SEC24A: variants seen among roughly 807,000 people sequenced by gnomAD.
SEC24A encodes SEC24 homolog A, COPII component.
SEC24A carries 93 observed loss-of-function variants against 129.4 expected under a neutral mutation model. The observed-to-expected ratio is 0.72, with a 90% CI of 0.61 to 0.85. The LOEUF is 0.85. SEC24A is among the 40% of genes least tolerant of loss of function. SEC24A has a pLI of 0.00. For missense variants in SEC24A, 1,264 were observed against 1,307.4 expected (o/e 0.97, Z 0.51); for synonymous variants, 460 against 467.3 (o/e 0.98, Z 0.20).
At chr5:134,707,306 G>A (rs1238509849) in intron 17 of SEC24A, among the ~76,000 whole-genome samples, 1 of 151,882 alleles carries the variant, frequency 6.6e-6, no homozygotes, top group Non-Finnish European at 1.5e-5. Flanking sequence ...TATGAAATTT[G>A]AAGATCACTG....
chr5:134,707,030 G>A (rs1012462559), intron 17 of SEC24A, among the ~76,000 whole-genome samples: 5 of 152,044 alleles, frequency 3.3e-5, no homozygotes, highest in African/African-American at 7.2e-5. Context: ...TAGAGACAGA[G>A]TCTCACCATG....
chr5:134,720,410 C>G (rs181282217), intron 20 of SEC24A, among the ~76,000 whole-genome samples: 1 of 152,282 alleles, frequency 6.6e-6, no homozygotes, highest in East Asian at 1.9e-4. Flanking sequence ...ACAGAGAAAT[C>G]ACTTAACAAC....
chr5:134,673,339 C>A (rs1170904131), intron 4 of SEC24A, among the ~76,000 whole-genome samples: 1 of 151,406 alleles, frequency 6.6e-6, no homozygotes, highest in African/African-American at 2.4e-5. Flanking sequence ...CAGGTATGAG[C>A]CACCTCGCCC....
At chr5:134,703,329 G>A (rs990822074) in intron 15 of SEC24A, among the ~76,000 whole-genome samples, 6 of 151,938 alleles carry the variant, frequency 3.9e-5, no homozygotes, top group African/African-American at 1.4e-4. Flanking sequence ...GTGCAGTGGC[G>A]CAATCTTAGC....
intron 2 of SEC24A, among the ~76,000 whole-genome samples, chr5:134,664,886 C>T (rs948504776): frequency 1.3e-5 from 2 of 149,886 alleles, no homozygotes; most frequent in Non-Finnish European, 1.5e-5. Context: ...GCAACCTCCG[C>T]CTCCCAGGTT....
At chr5:134,662,618 T>C (rs1293939709) in intron 2 of SEC24A, among the ~76,000 whole-genome samples, 1 of 152,198 alleles carries the variant, frequency 6.6e-6, no homozygotes, top group Admixed American at 6.6e-5. Flanking sequence ...GGCTTGTAAA[T>C]TGTTAATGGC....
chr5:134,681,281 T>TCCCA (rs1457333862), intron 8 of SEC24A, among the ~76,000 whole-genome samples: 2 of 151,392 alleles, frequency 1.3e-5, no homozygotes, highest in African/African-American at 4.9e-5. Flanking sequence ...GCACCTGTAA[T>TCCCA]CCCAGCTACT....
chr5:134,702,869 A>G (rs1392037569), intron 15 of SEC24A, among the ~76,000 whole-genome samples: 1 of 151,764 alleles, frequency 6.6e-6, no homozygotes, highest in East Asian at 1.9e-4. Flanking sequence ...GGTTCAAGCG[A>G]TTCTCCTGCC....
chr5:134,662,996 TA>T (rs970152224), intron 2 of SEC24A, among the ~76,000 whole-genome samples: 14 of 150,268 alleles, frequency 9.3e-5, no homozygotes, highest in Middle Eastern at 3.4e-3. Context: ...AGACTTGGTC[TA>T]AAAAAAAAAT....
rs755940746 is a variant in SEC24A at position 134,661,577 on chromosome 5, A to C, written c.556A>C (p.Ile186Leu). The change falls in exon 2 of 23, where the codon ATA becomes CTA. Residue 186 changes from isoleucine to leucine, a missense_variant. Physicochemically the swap from Ile to Leu is conservative, Grantham distance 5 (BLOSUM62 2). Transcript: ENST00000398844. ...ATATCCTTCACTTCAAAATAGCTTCATAAAGTCAGGTAGTATTCTTATAGA... is the reference window on the plus strand; with the variant it reads ...ATATCCTTCACTTCAAAATAGCTTCCTAAAGTCAGGTAGTATTCTTATAGA... ...SGYPSLQNSF[I>L]KSGPSVPPLV... 5 of 1,609,336 alleles carry C rather than the reference A, an allele frequency of 3.1e-6. No homozygotes were observed. Among genetic ancestry groups the C allele is most frequent in the Non-Finnish European group, 4.3e-6 (5 of 1,175,848 alleles).
Position 134,682,370 on chromosome 5 carries a change from T to C in SEC24A, c.1382-3T>C. ...CAATATGTGTATTGTTAACTTTATA[T>C]AGTTCCTGAAGAATTCTTGTACAAC... On this transcript the variant is annotated splice_polypyrimidine_tract_variant and splice_region_variant and intron_variant, in intron 8 of 22. Transcript: ENST00000398844. The C allele has an allele frequency of 6.6e-7, 1 of 1,509,754 alleles. No homozygotes were observed. The highest frequency in any genetic ancestry group is 9.2e-7 in the Non-Finnish European group (1 of 1,091,878). The allele number at this position is 1,509,754 out of a possible 1,614,324, so 93.5% of individuals were successfully genotyped here. A position where few individuals can be genotyped will look rare whatever the true frequency, so the allele number is the denominator to read the frequency against.
At chr5:134,718,915 A>G (rs1263752759) in intron 20 of SEC24A, among the ~76,000 whole-genome samples, 1 of 151,720 alleles carries the variant, frequency 6.6e-6, no homozygotes, top group African/African-American at 2.4e-5. Flanking sequence ...GGTTGCAGTG[A>G]GCCAAGATTG....
At chr5:134,655,421 C>T (rs1014509579) in intron 1 of SEC24A, among the ~76,000 whole-genome samples, 1 of 152,008 alleles carries the variant, frequency 6.6e-6, no homozygotes, top group Non-Finnish European at 1.5e-5. Flanking sequence ...GAGGTCAAGG[C>T]GGGTGGATCA....
chr5:134,722,451 A>G (rs369678781), intron 21 of SEC24A, among the ~76,000 whole-genome samples: 1 of 152,090 alleles, frequency 6.6e-6, no homozygotes, highest in Admixed American at 6.5e-5. Context: ...TGTAATCCCA[A>G]CTACTCTCCC....
chr5:134,666,452 G>C (rs1408076966), intron 2 of SEC24A, among the ~76,000 whole-genome samples: 1 of 152,132 alleles, frequency 6.6e-6, no homozygotes, highest in East Asian at 1.9e-4. Context: ...TCCTACTCAG[G>C]AGGCTGAGGC....
intron 11 of SEC24A, among the ~76,000 whole-genome samples, chr5:134,691,737 G>A (rs556151950): frequency 8.6e-5 from 13 of 150,686 alleles, no homozygotes; most frequent in Admixed American, 7.9e-4. Flanking sequence ...CGCCCGCGTC[G>A]GCCTCCCAAA....
chr5:134,660,785 G>A (rs1377465699), intron 1 of SEC24A, among the ~76,000 whole-genome samples: 1 of 151,982 alleles, frequency 6.6e-6, no homozygotes, highest in Admixed American at 6.6e-5. Flanking sequence ...TTGAACTCCT[G>A]GGCTCAAGCT....
Position 134,676,035 on chromosome 5 carries a change from C to A in SEC24A, c.1164C>A (p.Cys388Ter). The change falls in exon 7 of 23, where the codon TGC (cysteine) becomes TGA (stop). Residue 388 changes from cysteine to a stop codon, truncating the protein, a stop_gained. Transcript: ENST00000398844. LOFTEE classifies it high-confidence loss of function. ...TACTTTGATATAGGTTATTTCGATG[C>A]ACGCTGACTAGCATTCCTCAGACGC... ...KLNCNPELFR[C>*]TLTSIPQTQA... is the part of the protein sequence containing the mutation. 6.2e-7 allele frequency: 1 copy of A among 1,604,088 alleles called. No homozygotes were observed. Among genetic ancestry groups the A allele is most frequent in the Non-Finnish European group, 8.5e-7 (1 of 1,176,582 alleles).
intron 11 of SEC24A, 26 bp from the exon 12 acceptor site, chr5:134,692,576 A>G: frequency 9.0e-7 from 1 of 1,115,332 alleles, no homozygotes; most frequent in Non-Finnish European, 1.3e-6. Context: ...ATTTTGTTTA[A>G]AATAAATATG....
Sources: gnomAD v4.1 joint callset for allele counts (sites outside exome capture counted in the v4.1 genomes callset) on GRCh38, gnomAD v4.1.1 for gene constraint, MANE v1.5 for transcripts, NCBI Gene and HGNC (gene_info 2026-07-23, HGNC 2026-07-21) for gene names.